The following FKTN variants were observed in gnomAD, a reference collection of about 807,000 sequenced individuals.
FKTN encodes ribitol-5-phosphate transferase FKTN.
FKTN carries 47 observed loss-of-function variants against 58.6 expected under a neutral mutation model. The observed-to-expected ratio is 0.80, with a 90% confidence interval of 0.63 to 1.02. The LOEUF (loss-of-function observed/expected upper bound fraction) is 1.02. Ranked by LOEUF, FKTN falls within the 50% of genes least tolerant of loss-of-function variation. The pLI is 0.00. For missense variants in FKTN, 516 were observed against 537.3 expected (o/e 0.96, Z 0.39); for synonymous variants, 178 against 191.9 (o/e 0.93, Z 0.60).
chr9:105,635,015 C>T, intron 10 of FKTN, 36 bp from the exon 11 acceptor site: 1 of 1,573,012 alleles, frequency 6.4e-7, no homozygotes, highest in Non-Finnish European at 8.8e-7. Context: ...AGACCTTCTT[C>T]CACTGTTGAA....
At chr9:105,612,248 G>T (rs1830059498) in intron 7 of FKTN, among the ~76,000 whole-genome samples, 1 of 151,882 alleles carries the variant, frequency 6.6e-6, no homozygotes, top group Non-Finnish European at 1.5e-5. Flanking sequence ...TTGAAAATTT[G>T]TTTAAGTTCC....
In FKTN at chr9:105,564,719, A is replaced by C. The variant is rs116295518; in HGVS notation, c.-181+6554A>C. On this transcript the variant is annotated intron_variant, in intron 1 of 10. Coordinates refer to ENST00000357998, the MANE Select transcript of FKTN (RefSeq NM_001079802.2). The stretch of plus-strand genomic sequence containing the variant: ...GGAGAATGGAACCAAGTTGGAAAGT[A>C]CTTTGCAGGATATTATCCAGGAGAA... 7.0e-4 allele frequency among the ~76,000 whole-genome samples: 106 copies of C among 152,360 alleles called. 1 individual carries two copies. The highest frequency in any genetic ancestry group is 2.5e-3 in the African/African-American group (105 of 41,586).
At position 105,613,921 on chromosome 9, in the gene FKTN, G is replaced by T. The variant is rs574931427; in HGVS notation, c.781-1357G>T. Among the ~76,000 whole-genome samples, 20 of 152,304 alleles carry T rather than the reference G, an allele frequency of 1.3e-4. No homozygotes were observed. In the South Asian group the frequency reaches 3.9e-3, roughly 30 times the overall value. On this transcript the variant is annotated intron_variant, in intron 7 of 10. Transcript: ENST00000357998. ...ACTGGGGAATGTTTTGCAGAGGTTGGAGCTGAGACTTGAAAGATTTTATTG... is the reference window on the plus strand; with the variant it reads ...ACTGGGGAATGTTTTGCAGAGGTTGTAGCTGAGACTTGAAAGATTTTATTG...
Position 105,601,342 on chromosome 9 carries a change from G to C in FKTN, c.363G>C (p.Lys121Asn), listed in dbSNP as rs1449611986. The change falls in exon 5 of 11, where the codon AAG becomes AAC. Residue 121 changes from lysine to asparagine, a missense_variant. Lys to Asn is a moderately conservative substitution (Grantham distance 94, BLOSUM62 0). Coordinates refer to ENST00000357998, the MANE Select transcript of FKTN (RefSeq NM_001079802.2). ...TTGCACTGCAGTATCACCTATGGAA[G>C]AATGAGGTAAGTGACTTGCTTTCAG... The part of the protein sequence containing the change: ...TAFALQYHLW[K>N]NEEGWFRIAE... The C allele has an allele frequency of 6.3e-7, 1 of 1,597,428 alleles. No homozygotes were observed. Among genetic ancestry groups the C allele is most frequent in the Non-Finnish European group, 8.6e-7 (1 of 1,168,506 alleles).
chr9:105,636,753 G>A lies in FKTN; in HGVS notation c.*1489G>A, dbSNP rs756966078. The A allele has an allele frequency of 6.2e-5, 80 of 1,292,584 alleles. No homozygotes were observed. Among genetic ancestry groups the A allele is most frequent in the Non-Finnish European group, 8.1e-5 (79 of 981,024 alleles). 80.1% of individuals were successfully genotyped at this position (1,292,584 alleles called of 1,614,324 possible). On this transcript the variant is annotated 3_prime_UTR_variant, in exon 11 of 11. Coordinates refer to ENST00000357998, the MANE Select transcript of FKTN (RefSeq NM_001079802.2). ...CTTGGCAGATTTTCCTCTGACACCA[G>A]AGAACAATAGTAGTCTCAAGAATGG...
At position 105,593,794 on chromosome 9, in the gene FKTN, A is replaced by G. The variant is rs951632658; in HGVS notation, c.106-2804A>G. Among the ~76,000 whole-genome samples, 3 of 152,210 alleles carry G rather than the reference A, an allele frequency of 2.0e-5. No homozygotes were observed. The East Asian group carries it at 5.8e-4, about 29-fold the overall frequency. On this transcript the variant is annotated intron_variant, in intron 3 of 10. Transcript: ENST00000357998. ...AGAGGTTGTCAACAATTCTTGGTAT[A>G]TCAAATAAGATAAGTATTGATAATT...
chr9:105,595,639 C>T (rs1248851746), intron 3 of FKTN, among the ~76,000 whole-genome samples: 1 of 152,174 alleles, frequency 6.6e-6, no homozygotes, highest in Non-Finnish European at 1.5e-5. Flanking sequence ...CTCTCCCCTT[C>T]CAATTAACAA....
In FKTN at chr9:105,627,972, A is replaced by G. The variant is rs151162818; in HGVS notation, c.1173-7079A>G. ...TTGATCCAACCTAACGTGGTTGGAG[A>G]ATTAAAACTATAGAATTAAGTTAGC... On this transcript the variant is annotated intron_variant, in intron 10 of 10. Transcript: ENST00000357998. Among the ~76,000 whole-genome samples the G allele has an allele frequency of 5.7e-3, 861 of 152,296 alleles. 10 individuals are homozygous for G. The highest frequency in any genetic ancestry group is 0.02 in the African/African-American group (834 of 41,562).
chr9:105,634,708 A>G (rs1338651037), intron 10 of FKTN, among the ~76,000 whole-genome samples: 1 of 152,170 alleles, frequency 6.6e-6, no homozygotes, highest in Non-Finnish European at 1.5e-5. Context: ...ACAGCTTTCT[A>G]CTTTGACACT....
At chr9:105,563,867 C>T (rs937062718) in intron 1 of FKTN, among the ~76,000 whole-genome samples, 10 of 152,224 alleles carry the variant, frequency 6.6e-5, no homozygotes, top group Non-Finnish European at 1.5e-4. Context: ...AAGTGGGTCC[C>T]TGACCCTCAA....
intron 1 of FKTN, among the ~76,000 whole-genome samples, chr9:105,562,999 A>ATCAT (rs942949004): frequency 3.0e-4 from 45 of 152,254 alleles, no homozygotes; most frequent in East Asian, 2.9e-3. Flanking sequence ...CTCTTGATAT[A>ATCAT]TCATTCATTC....
At position 105,593,964 on chromosome 9, in the gene FKTN, G is replaced by A. The variant is rs558136468; in HGVS notation, c.106-2634G>A. 1.1e-3 allele frequency among the ~76,000 whole-genome samples: 167 copies of A among 152,240 alleles called. 1 individual carries two copies. Among genetic ancestry groups the A allele is most frequent in the African/African-American group, 3.5e-3 (145 of 41,540 alleles). ...CCATTAGGAGTTTTGCTGTAATGGG[G>A]GACAGAAAGTTGTTCTTTGGGAAAA... On this transcript the variant is annotated intron_variant, in intron 3 of 10. Transcript: ENST00000357998.
chr9:105,636,316 G>A lies in FKTN; in HGVS notation c.*1052G>A. On this transcript the variant is annotated 3_prime_UTR_variant, in exon 11 of 11. Coordinates refer to ENST00000357998, the MANE Select transcript of FKTN (RefSeq NM_001079802.2). The stretch of plus-strand genomic sequence containing the variant: ...TATGGTCTATATACCAATTTAAATG[G>A]CATGTAAACCTGCCTGTTTCTTCTC... The A allele has an allele frequency of 1.0e-6, 1 of 973,852 alleles. No homozygotes were observed. Among genetic ancestry groups the A allele is most frequent in the Non-Finnish European group, 1.2e-6 (1 of 819,520 alleles). 60.3% of individuals were successfully genotyped at this position (973,852 alleles called of 1,614,324 possible). A position where few individuals can be genotyped will look rare whatever the true frequency, so the allele number is the denominator to read the frequency against.
intron 1 of FKTN, among the ~76,000 whole-genome samples, chr9:105,563,064 G>A (rs1838600608): frequency 6.6e-6 from 1 of 152,154 alleles, no homozygotes. Flanking sequence ...AGTGGGGTCT[G>A]GGGCTGGAGG....
At chr9:105,585,143 A>G (rs879493409) in intron 3 of FKTN, among the ~76,000 whole-genome samples, 9 of 152,190 alleles carry the variant, frequency 5.9e-5, no homozygotes, top group Non-Finnish European at 1.3e-4. Context: ...ATTTAAAAAT[A>G]GTAAGGAGAC....
At chr9:105,614,370 G>A (rs1005491262) in intron 7 of FKTN, among the ~76,000 whole-genome samples, 2 of 152,026 alleles carry the variant, frequency 1.3e-5, no homozygotes, top group Non-Finnish European at 2.9e-5. Flanking sequence ...AGAGAGATTT[G>A]TTTATTACAT....
chr9:105,625,858 A>G (rs1299978886), intron 10 of FKTN, among the ~76,000 whole-genome samples: 1 of 152,050 alleles, frequency 6.6e-6, no homozygotes, highest in African/African-American at 2.4e-5. Flanking sequence ...AGTATTTGTC[A>G]GCACCCCAGA....
rs906024599 is a variant in FKTN, at chr9:105,576,453, T to C, written c.105+1316T>C. ...TGTTCTTACGATAGTTTACTGAGAATGATGATTTCCAATTTCATCCATGTC... is the reference window on the plus strand; with the variant it reads ...TGTTCTTACGATAGTTTACTGAGAACGATGATTTCCAATTTCATCCATGTC... On this transcript the variant is annotated intron_variant, in intron 3 of 10. Transcript: ENST00000357998. Among the ~76,000 whole-genome samples the C allele has an allele frequency of 3.9e-4, 59 of 151,554 alleles. 1 individual carries two copies. The South Asian group carries it at 0.011, about 29-fold the overall frequency.
At chr9:105,573,782 G>T (rs548630837) in intron 2 of FKTN, 36 bp downstream of exon 2, 1 of 152,168 alleles carries the variant, frequency 6.6e-6, no homozygotes, top group Non-Finnish European at 1.5e-5. Context: ...CCAATAAAAA[G>T]ATTAAATTAC....
Sources: allele counts gnomAD v4.1 joint callset (sites outside exome capture counted in the v4.1 genomes callset), GRCh38; gene constraint gnomAD v4.1.1; transcripts MANE v1.5; gene names NCBI Gene and HGNC (gene_info 2026-07-23, HGNC 2026-07-21).